HIVEP2: variants seen among roughly 807,000 people sequenced by gnomAD.
HIVEP2 encodes HIVEP zinc finger 2, also known as transcription factor HIVEP2.
Under a neutral mutation model 180.7 loss-of-function variants are expected in HIVEP2, and 14 were observed. The observed-to-expected ratio is 0.08, with a 90% CI of 0.05 to 0.12. The LOEUF (loss-of-function observed/expected upper bound fraction) is 0.12, where lower values mean the gene tolerates loss of function less well. Among genes scored for constraint, HIVEP2 ranks in the 10% least tolerant of loss-of-function variants. HIVEP2 has a pLI of 1.00. For synonymous variants in HIVEP2, 1,184 were observed against 1,136.4 expected, an observed-to-expected ratio of 1.04 and a Z score of -0.84; for missense variants, 2,579 against 3,008.5, an observed-to-expected ratio of 0.86 and a Z score of 3.34.
chr6:142,883,233 T>C (rs1776617303), intron 1 of HIVEP2, among the ~76,000 whole-genome samples: 1 of 152,086 alleles, frequency 6.6e-6, no homozygotes, highest in African/African-American at 2.4e-5. Flanking sequence ...AAGATTTGCA[T>C]ATGTAGTTAC....
intron 2 of HIVEP2, among the ~76,000 whole-genome samples, chr6:142,809,464 T>C (rs1776635813): frequency 6.6e-6 from 1 of 152,190 alleles, no homozygotes; most frequent in Non-Finnish European, 1.5e-5. Flanking sequence ...AGAGTTGGCT[T>C]TGCTCATCTC....
intron 2 of HIVEP2, among the ~76,000 whole-genome samples, chr6:142,833,205 C>A (rs1775139302): frequency 6.6e-6 from 1 of 152,170 alleles, no homozygotes; most frequent in South Asian, 2.1e-4. Flanking sequence ...AGCCTCCGGT[C>A]CCTTATACAC....
At chr6:142,895,117 T>C (rs1203921543) in intron 1 of HIVEP2, among the ~76,000 whole-genome samples, 2 of 152,236 alleles carry the variant, frequency 1.3e-5, no homozygotes, top group Admixed American at 6.5e-5. Flanking sequence ...TAGAGCTACA[T>C]TTTAACTTTA....
chr6:142,831,359 A>T (rs900262106), intron 2 of HIVEP2, among the ~76,000 whole-genome samples: 1 of 152,154 alleles, frequency 6.6e-6, no homozygotes, highest in Non-Finnish European at 1.5e-5. Context: ...GTTTGAATTC[A>T]TGGAAGTGCC....
At chr6:142,902,494 C>T (rs1777156180) in intron 1 of HIVEP2, among the ~76,000 whole-genome samples, 1 of 152,146 alleles carries the variant, frequency 6.6e-6, no homozygotes, top group South Asian at 2.1e-4. Flanking sequence ...CTCAGGCAAA[C>T]CAAACCATTC....
chr6:142,756,797 TTATCTATCTATCTATC>T lies in HIVEP2; in HGVS notation c.6517-2882_6517-2867del, dbSNP rs10660970. ...ACTGAATAAATGGATAAAAGATACC[TTATCTATCTATCTATC>T]TATCTATCTATCTATCTATCTATCT... On this transcript the variant is annotated intron_variant, in intron 9 of 9. Transcript: ENST00000367603. 3.2e-3 allele frequency among the ~76,000 whole-genome samples: 475 copies of T among 150,026 alleles called. 6 individuals are homozygous for T. The highest frequency in any genetic ancestry group is 0.011 in the African/African-American group (437 of 40,784).
chr6:142,852,278 C>G (rs1046073021), intron 1 of HIVEP2, among the ~76,000 whole-genome samples: 2 of 152,120 alleles, frequency 1.3e-5, no homozygotes, highest in African/African-American at 4.8e-5. Context: ...TTTAATCTTT[C>G]TATCAAGAAG....
intron 2 of HIVEP2, among the ~76,000 whole-genome samples, chr6:142,832,168 G>A (rs1199437853): frequency 6.7e-6 from 1 of 149,638 alleles, no homozygotes; most frequent in Non-Finnish European, 1.5e-5. Flanking sequence ...CTCCATCCTG[G>A]GCAACAAGAG....
chr6:142,843,146 TG>T (rs1490299528), intron 1 of HIVEP2, among the ~76,000 whole-genome samples: 1 of 152,188 alleles, frequency 6.6e-6, no homozygotes, highest in African/African-American at 2.4e-5. Flanking sequence ...GTTAAAAATA[TG>T]GGTTCTGATT....
In HIVEP2 at chr6:142,877,530, C is replaced by T. The variant is rs541961196; in HGVS notation, c.-640-40483G>A. Among the ~76,000 whole-genome samples, 28 of 152,252 alleles carry T rather than the reference C, an allele frequency of 1.8e-4. No homozygotes were observed. The South Asian group carries it at 3.3e-3, about 18-fold the overall frequency. On this transcript the variant is annotated intron_variant, in intron 1 of 9. Coordinates refer to ENST00000367603, the MANE Select transcript of HIVEP2 (RefSeq NM_006734.4). ...ATTTAGGATTTACACATCTTGTTCC[C>T]GCCCTAAAATGGTTTACTACCAAAG... is the stretch of plus-strand genomic sequence containing the variant.
intron 1 of HIVEP2, among the ~76,000 whole-genome samples, chr6:142,936,484 G>A (rs1016354893): frequency 6.6e-6 from 1 of 151,794 alleles, no homozygotes; most frequent in South Asian, 2.1e-4. Context: ...GCCACCGCCC[G>A]ACCACCAGCA....
At chr6:142,845,970 C>T (rs1775505399) in intron 1 of HIVEP2, among the ~76,000 whole-genome samples, 2 of 152,246 alleles carry the variant, frequency 1.3e-5, no homozygotes, top group East Asian at 1.9e-4. Flanking sequence ...AGGACGATCA[C>T]TAGGACTGTC....
At chr6:142,783,326 C>CAAAAAAAAAA (rs567202980) in intron 3 of HIVEP2, among the ~76,000 whole-genome samples, 195 bp downstream of exon 3, 18 of 71,042 alleles carry the variant, frequency 2.5e-4, no homozygotes, top group African/African-American at 8.5e-4. Context: ...GACTCCGTCA[C>CAAAAAAAAAA]AAAAAAAAAA....
At chr6:142,822,654 G>T (rs914613460) in intron 2 of HIVEP2, among the ~76,000 whole-genome samples, 1 of 152,110 alleles carries the variant, frequency 6.6e-6, no homozygotes. Context: ...CCCCAGCCTA[G>T]GTAAATAATA....
At chr6:142,791,701 TC>T (rs1349721745) in intron 2 of HIVEP2, among the ~76,000 whole-genome samples, 1 of 152,168 alleles carries the variant, frequency 6.6e-6, no homozygotes, top group Non-Finnish European at 1.5e-5. Context: ...TGAGTTTGAA[TC>T]CAGATATTAC....
At chr6:142,809,422 A>G (rs1776634393) in intron 2 of HIVEP2, among the ~76,000 whole-genome samples, 1 of 152,026 alleles carries the variant, frequency 6.6e-6, no homozygotes, top group Non-Finnish European at 1.5e-5. Flanking sequence ...CTCCTATGTA[A>G]CTACTGCCCC....
In HIVEP2 at chr6:142,770,446, G is replaced by A. The variant is rs34191067; in HGVS notation, c.4293C>T (p.Ser1431=). 929 of 1,614,136 alleles carry A rather than the reference G, an allele frequency of 5.8e-4. 8 individuals carry two copies. The African/African-American group carries it at 0.011, about 19-fold the overall frequency. The change falls in exon 5 of 10, where the codon AGC becomes AGT. Residue 1431 remains serine (S), a synonymous_variant. Transcript: ENST00000367603. This position sits in a 1 kb window ranked among gnomAD's most constrained non-coding sequence, Gnocchi z 4.7. ...IPLCLPSTSD[S]VATLGGSKRM... ...GCTTGCTACCTCCCAGGGTGGCCACGCTGTCAGAGGTGGAAGGTAAACACA... is the reference window on the plus strand; with the variant it reads ...GCTTGCTACCTCCCAGGGTGGCCACACTGTCAGAGGTGGAAGGTAAACACA...
At chr6:142,791,238 G>T (rs1427212485) in intron 2 of HIVEP2, among the ~76,000 whole-genome samples, 1 of 152,122 alleles carries the variant, frequency 6.6e-6, no homozygotes, top group African/African-American at 2.4e-5. Flanking sequence ...TTGACATGAG[G>T]TTAGCACACA....
chr6:142,860,659 T>C (rs185575228), intron 1 of HIVEP2, among the ~76,000 whole-genome samples: 83 of 152,150 alleles, frequency 5.5e-4, no homozygotes, highest in African/African-American at 1.9e-3. Flanking sequence ...CAGTTCACAA[T>C]AGGGTTCACG....
Sources: gnomAD v4.1 joint callset for allele counts (sites outside exome capture counted in the v4.1 genomes callset) on GRCh38, gnomAD v4.1.1 for gene constraint, Gnocchi (gnomAD v3.1) non-coding constraint, MANE v1.5 for transcripts, NCBI Gene and HGNC (gene_info 2026-07-23, HGNC 2026-07-21) for gene names.